KIAA1328: variants seen among roughly 807,000 people sequenced by gnomAD.
The protein encoded by KIAA1328 is protein hinderin.
Under a neutral mutation model 68.1 loss-of-function variants are expected in KIAA1328, and 52 were observed. The observed-to-expected ratio is 0.76, with a 90% confidence interval of 0.61 to 0.96. KIAA1328 has a LOEUF of 0.96. KIAA1328 is among the 40% of genes least tolerant of loss of function. The probability of loss-of-function intolerance (pLI) is 0.00; values close to 1 mark genes in which losing one functional copy is unlikely to be tolerated. For missense variants in KIAA1328, 641 were observed against 677.6 expected, an observed-to-expected ratio of 0.95 and a Z score of 0.60; for synonymous variants, 232 against 239.4, an observed-to-expected ratio of 0.97 and a Z score of 0.28.
At chr18:36,867,233 G>A (rs2047784758) in intron 4 of KIAA1328, among the ~76,000 whole-genome samples, 1 of 152,126 alleles carries the variant, frequency 6.6e-6, no homozygotes, top group Non-Finnish European at 1.5e-5. Context: ...CATGAGAAAT[G>A]AATGGTTTAG....
intron 5 of KIAA1328, 44 bp downstream of exon 5, chr18:36,885,716 A>T: frequency 7.7e-7 from 1 of 1,290,340 alleles, no homozygotes. Context: ...AAGAAGTTTG[A>T]CTATTTCTTT....
intron 8 of KIAA1328, among the ~76,000 whole-genome samples, chr18:37,164,678 A>G (rs1210890144): frequency 1.3e-5 from 2 of 152,166 alleles, no homozygotes; most frequent in East Asian, 3.9e-4. Context: ...CCTGGGAGGC[A>G]GAGGTTTCAG....
intron 5 of KIAA1328, among the ~76,000 whole-genome samples, chr18:36,912,411 C>G (rs1039156586): frequency 5.9e-4 from 89 of 152,036 alleles, no homozygotes; most frequent in Admixed American, 5.8e-3. Flanking sequence ...CCTTTTCTGA[C>G]TCTCTTTTTC....
At chr18:37,227,773 CA>C (rs1568559485), downstream of KIAA1328, among the ~76,000 whole-genome samples, 1 of 152,228 alleles carries the variant, frequency 6.6e-6, no homozygotes, top group African/African-American at 2.4e-5. Flanking sequence ...AACCATTCTG[CA>C]GCCCATGGAT....
intron 6 of KIAA1328, among the ~76,000 whole-genome samples, chr18:37,024,647 G>A (rs886948435): frequency 6.6e-6 from 1 of 151,422 alleles, no homozygotes; most frequent in African/African-American, 2.4e-5. Flanking sequence ...CTGTCCTTGC[G>A]ATAGTTTGCT....
At chr18:37,122,853 G>A (rs1363346231) in intron 7 of KIAA1328, among the ~76,000 whole-genome samples, 3 of 152,054 alleles carry the variant, frequency 2.0e-5, no homozygotes, top group Admixed American at 6.6e-5. Flanking sequence ...TGATGACCAG[G>A]AAGACACAGA....
chr18:37,060,035 C>T (rs2056086284), intron 6 of KIAA1328, among the ~76,000 whole-genome samples: 2 of 151,982 alleles, frequency 1.3e-5, no homozygotes, highest in South Asian at 4.2e-4. Flanking sequence ...GGAGGGATAG[C>T]ATTAGGAAAA....
intron 7 of KIAA1328, among the ~76,000 whole-genome samples, chr18:37,113,637 G>A (rs958064922): frequency 2.0e-5 from 3 of 152,090 alleles, no homozygotes; most frequent in Non-Finnish European, 2.9e-5. Flanking sequence ...CATAATGACA[G>A]GATCGAATTC....
At chr18:37,041,383 A>G (rs1256555550) in intron 6 of KIAA1328, among the ~76,000 whole-genome samples, 2 of 152,044 alleles carry the variant, frequency 1.3e-5, no homozygotes, top group East Asian at 1.9e-4. Flanking sequence ...TACTATTTGA[A>G]TGATGTATCT....
intron 6 of KIAA1328, among the ~76,000 whole-genome samples, chr18:37,016,969 A>T (rs1391231394): frequency 6.6e-6 from 1 of 152,104 alleles, no homozygotes; most frequent in Admixed American, 6.6e-5. Context: ...AATTTCATTC[A>T]GTTCCACTCT....
intron 7 of KIAA1328, among the ~76,000 whole-genome samples, chr18:37,123,823 TACAC>T (rs748822304): frequency 2.0e-5 from 3 of 152,274 alleles, no homozygotes; most frequent in East Asian, 3.9e-4. Context: ...TTATTTAAAA[TACAC>T]ACACACATAT....
At chr18:37,023,832 G>A (rs1030158408) in intron 6 of KIAA1328, among the ~76,000 whole-genome samples, 1 of 152,094 alleles carries the variant, frequency 6.6e-6, no homozygotes. Flanking sequence ...TAGGTTCCAA[G>A]GGTACATATA....
chr18:37,062,838 C>T (rs1938225287), intron 6 of KIAA1328, among the ~76,000 whole-genome samples: 1 of 152,076 alleles, frequency 6.6e-6, no homozygotes, highest in Non-Finnish European at 1.5e-5. Flanking sequence ...CCTCAAATTG[C>T]TTAGGCAATT....
chr18:36,880,409 CCCCA>C (rs986517613), intron 4 of KIAA1328, among the ~76,000 whole-genome samples: 4 of 152,158 alleles, frequency 2.6e-5, no homozygotes, highest in Admixed American at 1.3e-4. Context: ...TGCAGAAATC[CCCCA>C]CCTTCTGCGT....
chr18:36,864,244 G>A (rs2150901236), intron 4 of KIAA1328, among the ~76,000 whole-genome samples: 1 of 151,042 alleles, frequency 6.6e-6, no homozygotes, highest in Admixed American at 6.6e-5. Context: ...AGATTACATT[G>A]ATTGATTTTT....
At chr18:37,008,799 CAAAGG>C (rs2053873426) in intron 6 of KIAA1328, among the ~76,000 whole-genome samples, 1 of 151,590 alleles carries the variant, frequency 6.6e-6, no homozygotes, top group Admixed American at 6.6e-5. Flanking sequence ...AATGGAGTAA[CAAAGG>C]AAAGAGTCAG....
intron 7 of KIAA1328, among the ~76,000 whole-genome samples, chr18:37,124,974 A>G (rs1308957558): frequency 6.6e-6 from 1 of 152,224 alleles, no homozygotes; most frequent in African/African-American, 2.4e-5. Context: ...TTGTAAAGCA[A>G]GCTGGCTCCA....
intron 9 of KIAA1328, among the ~76,000 whole-genome samples, chr18:37,185,371 C>T (rs1364661566): frequency 1.3e-5 from 2 of 151,898 alleles, no homozygotes; most frequent in Non-Finnish European, 2.9e-5. Context: ...GTCTGGAAAA[C>T]ATCAAATCTT....
intron 4 of KIAA1328, among the ~76,000 whole-genome samples, chr18:36,849,719 G>C (rs1330393603): frequency 6.6e-6 from 1 of 151,976 alleles, no homozygotes; most frequent in Non-Finnish European, 1.5e-5. Context: ...CAGTTATTTT[G>C]TACATACCCA....
Sources: gnomAD v4.1 joint callset for allele counts (sites outside exome capture counted in the v4.1 genomes callset) on GRCh38, gnomAD v4.1.1 for gene constraint, MANE v1.5 for transcripts, NCBI Gene and HGNC (gene_info 2026-07-23, HGNC 2026-07-21) for gene names.